Variants in PDE6D observed in about 807,000 individuals in gnomAD.
The protein encoded by PDE6D is phosphodiesterase 6D, also known as retinal rod rhodopsin-sensitive cGMP 3',5'-cyclic phosphodiesterase subunit delta.
A neutral mutation model predicts 21.9 loss-of-function variants in PDE6D; 10 were observed. The observed-to-expected ratio is 0.46, with a 90% CI of 0.28 to 0.78. PDE6D has a LOEUF of 0.78. Among genes scored for constraint, PDE6D ranks in the 30% least tolerant of loss-of-function variants. The pLI, the probability that PDE6D is intolerant of heterozygous loss-of-function variation, is 0.12. For synonymous variants in PDE6D, 59 were observed against 63.5 expected (o/e 0.93, Z 0.34); for missense variants, 139 against 184.8 (o/e 0.75, Z 1.44).
intron 1 of PDE6D, among the ~76,000 whole-genome samples, chr2:231,757,749 C>T (rs1198672800): frequency 6.6e-6 from 1 of 152,006 alleles, no homozygotes; most frequent in African/African-American, 2.4e-5. Flanking sequence ...GATATGTGAA[C>T]AGGAAGAGTA....
rs1313792186 is a variant in PDE6D at position 231,751,656 on chromosome 2, T to C, written c.51-12468A>G. On this transcript the variant is annotated intron_variant, in intron 1 of 4. Coordinates refer to ENST00000287600, the MANE Select transcript of PDE6D (RefSeq NM_002601.4). The stretch of plus-strand genomic sequence containing the variant: ...TGAGGAGAACTGGTCAGGTATTTTG[T>C]AGGATATCCATAAACTGGTATTTAA... 2.6e-5 allele frequency among the ~76,000 whole-genome samples: 4 copies of C among 152,234 alleles called. No homozygotes were observed. The East Asian group carries it at 7.7e-4, about 29-fold the overall frequency.
chr2:231,745,231 C>A (rs2693782), intron 1 of PDE6D, among the ~76,000 whole-genome samples: 112,902 of 151,098 alleles, frequency 0.75, 43,714 homozygotes, highest in East Asian at 0.99. Flanking sequence ...CAAAAACACA[C>A]AAAAAAAACC....
intron 1 of PDE6D, among the ~76,000 whole-genome samples, chr2:231,757,875 A>G (rs1326056224): frequency 6.6e-6 from 1 of 152,168 alleles, no homozygotes; most frequent in East Asian, 1.9e-4. Context: ...AAAGTTTGGA[A>G]AATAGAGGAC....
chr2:231,778,487 TAGA>T (rs1271461290), intron 1 of PDE6D, among the ~76,000 whole-genome samples: 1 of 151,990 alleles, frequency 6.6e-6, no homozygotes, highest in Non-Finnish European at 1.5e-5. Context: ...AATGGCCAAA[TAGA>T]AGAGATGTGC....
At chr2:231,778,019 G>C (rs1469383677) in intron 1 of PDE6D, among the ~76,000 whole-genome samples, 1 of 152,204 alleles carries the variant, frequency 6.6e-6, no homozygotes, top group Admixed American at 6.5e-5. Context: ...TGTAATCCCA[G>C]CACTTTGGGA....
Position 231,781,188 on chromosome 2 carries a change from G to A in PDE6D, c.-74C>T. ...TCGCAGACGGTGCCCAGGAGCCGAGGATGGAGCCGCAGCCCGGCTTGGAGA... is the reference window on the plus strand; with the variant it reads ...TCGCAGACGGTGCCCAGGAGCCGAGAATGGAGCCGCAGCCCGGCTTGGAGA... On this transcript the variant is annotated 5_prime_UTR_variant, in exon 1 of 5. Coordinates refer to ENST00000287600, the MANE Select transcript of PDE6D (RefSeq NM_002601.4). The A allele has an allele frequency of 1.4e-6, 2 of 1,474,402 alleles. No homozygotes were observed. Among genetic ancestry groups the A allele is most frequent in the South Asian group, 2.3e-5 (2 of 86,798 alleles). The allele number at this position is 1,474,402 out of a possible 1,614,324, so 91.3% of individuals were successfully genotyped here.
At chr2:231,768,612 G>C (rs1482393288) in intron 1 of PDE6D, 1 of 152,080 alleles carries the variant, frequency 6.6e-6, no homozygotes, top group Admixed American at 6.6e-5. Context: ...GGCCAGGCTG[G>C]TCTCCAACTC....
intron 1 of PDE6D, among the ~76,000 whole-genome samples, chr2:231,770,731 T>A (rs1157391196): frequency 6.6e-6 from 1 of 152,068 alleles, no homozygotes; most frequent in Non-Finnish European, 1.5e-5. Context: ...GGTGAATGGA[T>A]CACCTGAGGT....
At position 231,739,847 on chromosome 2, in the gene PDE6D, G is replaced by A. The variant is rs888678936; in HGVS notation, c.51-659C>T. ...GGGTTTCACCATGTTGGCCAGGCTG[G>A]TCTCGAACTCCTGACCTCAAGTGAT... On this transcript the variant is annotated intron_variant, in intron 1 of 4. Coordinates refer to ENST00000287600, the MANE Select transcript of PDE6D (RefSeq NM_002601.4). The surrounding 1 kb of genome is among the most constrained non-coding windows in gnomAD (Gnocchi z 4.2). Among the ~76,000 whole-genome samples, 3 of 152,048 alleles carry A rather than the reference G, an allele frequency of 2.0e-5. No individual in the cohort carries two copies. Among genetic ancestry groups the A allele is most frequent in the African/African-American group, 7.2e-5 (3 of 41,402 alleles).
Position 231,738,055 on chromosome 2 carries a change from G to A in PDE6D, c.223C>T (p.Arg75Cys), listed in dbSNP as rs758019119. The change falls in exon 3 of 5, where the codon CGC becomes TGC. Residue 75 changes from arginine (R) to cysteine (C), a missense_variant. Coordinates refer to ENST00000287600, the MANE Select transcript of PDE6D (RefSeq NM_002601.4). ...FSSTEQMEKF[R>C]LEQKVYFKGQ... ...TTGAAGTAAACTTTTTGTTCCAGGC[G>A]GAATTTTTCCATTTGTTCTGTCGAA... 6 of 1,613,724 alleles carry A rather than the reference G, an allele frequency of 3.7e-6. No homozygotes were observed. The highest frequency in any genetic ancestry group is 1.7e-5 in the Admixed American group (1 of 59,970).
intron 1 of PDE6D, among the ~76,000 whole-genome samples, chr2:231,745,140 G>A (rs1015374424): frequency 1.3e-5 from 2 of 151,956 alleles, no homozygotes; most frequent in African/African-American, 4.8e-5. Flanking sequence ...TAAGGTAGAT[G>A]TCTTAAAATA....
chr2:231,736,002 T>G (rs1158680219), intron 4 of PDE6D, among the ~76,000 whole-genome samples: 12 of 145,802 alleles, frequency 8.2e-5, no homozygotes, highest in Non-Finnish European at 1.5e-4. Context: ...CACTCCAGCC[T>G]GGGTGACAGG....
At chr2:231,735,966 G>T (rs62197242) in intron 4 of PDE6D, among the ~76,000 whole-genome samples, 41,027 of 151,092 alleles carry the variant, frequency 0.27, 5,857 homozygotes, top group Non-Finnish European at 0.32. Context: ...AGGCGGAGCT[G>T]GCAGTGAGCT....
chr2:231,761,238 A>G (rs1461919876), intron 1 of PDE6D, among the ~76,000 whole-genome samples: 1 of 151,888 alleles, frequency 6.6e-6, no homozygotes, highest in African/African-American at 2.4e-5. Flanking sequence ...GCAGTGGCGC[A>G]ATCTCGGCTC....
intron 1 of PDE6D, among the ~76,000 whole-genome samples, chr2:231,749,461 C>CGGAT (rs1412229380): frequency 1.3e-5 from 2 of 149,688 alleles, no homozygotes; most frequent in Non-Finnish European, 3.0e-5. Context: ...GGCTCATAGG[C>CGGAT]GGATGGGACT....
chr2:231,753,886 C>A (rs994010365), intron 1 of PDE6D, among the ~76,000 whole-genome samples: 5 of 152,180 alleles, frequency 3.3e-5, no homozygotes, highest in Non-Finnish European at 7.3e-5. Context: ...ATCTCTCTGG[C>A]TTCCCTTTCT....
chr2:231,768,446 G>A (rs1285998923), intron 1 of PDE6D, among the ~76,000 whole-genome samples: 1 of 151,694 alleles, frequency 6.6e-6, no homozygotes, highest in Admixed American at 6.6e-5. Flanking sequence ...GCTGGAGTGC[G>A]GTGGCGTGAT....
At chr2:231,759,144 A>G (rs1184080174) in intron 1 of PDE6D, among the ~76,000 whole-genome samples, 7 of 151,852 alleles carry the variant, frequency 4.6e-5, no homozygotes, top group African/African-American at 9.7e-5. Flanking sequence ...ATAGGGAGAC[A>G]GCATCTCTAT....
intron 1 of PDE6D, among the ~76,000 whole-genome samples, chr2:231,740,338 A>T (rs184770035): frequency 6.6e-6 from 1 of 152,328 alleles, no homozygotes; most frequent in African/African-American, 2.4e-5. Context: ...ACAACTCAAC[A>T]CAAAGACAAA....
Sources: allele counts gnomAD v4.1 joint callset (sites outside exome capture counted in the v4.1 genomes callset), GRCh38; gene constraint gnomAD v4.1.1; non-coding constraint Gnocchi (gnomAD v3.1); transcripts MANE v1.5; gene names NCBI Gene and HGNC (gene_info 2026-07-23, HGNC 2026-07-21).